Variants in KCNN2 observed in about 807,000 individuals in gnomAD.
KCNN2 encodes potassium calcium-activated channel subfamily N member 2.
Under a neutral mutation model 55.5 loss-of-function variants are expected in KCNN2, and 24 were observed. The observed-to-expected ratio is 0.43, with a 90% CI of 0.31 to 0.61. KCNN2 has a LOEUF of 0.61. Ranked by LOEUF, KCNN2 falls within the 20% of genes least tolerant of loss-of-function variation. KCNN2 has a pLI of 0.08. For missense variants in KCNN2, 754 were observed against 853.6 expected, an observed-to-expected ratio of 0.88 and a Z score of 1.45; for synonymous variants, 431 against 336.1, an observed-to-expected ratio of 1.28 and a Z score of -3.09.
chr5:114,307,274 T>C (rs1756301098), intron 2 of KCNN2, among the ~76,000 whole-genome samples: 1 of 152,212 alleles, frequency 6.6e-6, no homozygotes, highest in Non-Finnish European at 1.5e-5. Context: ...GAATGAGGAA[T>C]CCTGATTTAT....
intron 1 of KCNN2, among the ~76,000 whole-genome samples, chr5:114,086,417 G>A (rs1048305185): frequency 3.3e-5 from 5 of 151,174 alleles, no homozygotes; most frequent in African/African-American, 1.2e-4. Flanking sequence ...TTATTTTTAA[G>A]TCCCTGTCTC....
intron 1 of KCNN2, among the ~76,000 whole-genome samples, chr5:114,156,958 C>T (rs1752647952): frequency 6.6e-6 from 1 of 151,530 alleles, no homozygotes. Flanking sequence ...TGTAGTATAC[C>T]TCTAAGGATT....
chr5:114,311,510 T>C lies in KCNN2; in HGVS notation c.-184-49435T>C, dbSNP rs533831421. On this transcript the variant is annotated intron_variant, in intron 2 of 10. Coordinates refer to the KCNN2 transcript ENST00000512097. ...ATTATAATTCTCCTTTTAAAAAATG[T>C]ATTTTCACTGTTTTTGGCAGGCTCC... Among the ~76,000 whole-genome samples, 116 of 152,280 alleles carry C rather than the reference T, an allele frequency of 7.6e-4. 2 individuals carry two copies. The highest frequency in any genetic ancestry group is 2.6e-3 in the African/African-American group (107 of 41,576).
chr5:114,072,291 T>TG lies in KCNN2; in HGVS notation c.-271+15791_-271+15792insG, dbSNP rs1197236904. 7.7e-3 allele frequency among the ~76,000 whole-genome samples: 1,097 copies of TG among 141,854 alleles called. 18 individuals carry two copies. Among genetic ancestry groups the TG allele is most frequent in the African/African-American group, 0.023 (886 of 38,766 alleles). 93.1% of individuals were successfully genotyped at this position (141,854 alleles called of 152,430 possible). A position where few individuals can be genotyped will look rare whatever the true frequency, so the allele number is the denominator to read the frequency against. ...TGGGCAACAAGAGTAAAACTCCATC[T>TG]AAAAAAAAAAAAAAGTAATGTCGAT... On this transcript the variant is annotated intron_variant, in intron 1 of 10. Coordinates refer to the KCNN2 transcript ENST00000512097.
chr5:114,177,775 C>T (rs1210965620), intron 1 of KCNN2, among the ~76,000 whole-genome samples: 1 of 151,882 alleles, frequency 6.6e-6, no homozygotes, highest in Non-Finnish European at 1.5e-5. Flanking sequence ...CATTGCAATC[C>T]TAGTATTCTG....
At chr5:114,253,690 G>T (rs777726536) in intron 2 of KCNN2, 2 of 152,164 alleles carry the variant, frequency 1.3e-5, no homozygotes, top group East Asian at 3.9e-4. Flanking sequence ...GAGTAGCTGC[G>T]TTCCCCTGCT....
At chr5:114,219,164 T>G (rs550733268) in intron 1 of KCNN2, among the ~76,000 whole-genome samples, 3 of 152,330 alleles carry the variant, frequency 2.0e-5, no homozygotes, top group African/African-American at 7.2e-5. Flanking sequence ...CTGTGACTCT[T>G]GAAGCCCCAG....
At chr5:114,156,795 T>C (rs557134523) in intron 1 of KCNN2, among the ~76,000 whole-genome samples, 2 of 152,186 alleles carry the variant, frequency 1.3e-5, no homozygotes, top group East Asian at 1.9e-4. Context: ...TATTAATATG[T>C]TGTAAGATGA....
intron 2 of KCNN2, among the ~76,000 whole-genome samples, chr5:114,312,510 C>CGGG (rs1756426290): frequency 1.4e-5 from 2 of 140,330 alleles, no homozygotes; most frequent in Non-Finnish European, 3.1e-5. Flanking sequence ...CTTGTACAAA[C>CGGG]CCCCATATGG....
chr5:114,065,090 A>T (rs534764942), intron 1 of KCNN2, among the ~76,000 whole-genome samples: 2 of 152,314 alleles, frequency 1.3e-5, no homozygotes, highest in Admixed American at 6.5e-5. Context: ...GTCACACTAC[A>T]AGTGAGTGGT....
At chr5:114,070,279 C>T (rs1475945742) in intron 1 of KCNN2, among the ~76,000 whole-genome samples, 6 of 152,232 alleles carry the variant, frequency 3.9e-5, no homozygotes, top group African/African-American at 1.4e-4. Context: ...TCAGTCCTAA[C>T]TCCCCAGGAG....
rs576755707 is a variant in KCNN2, at chr5:114,322,571, C to A, written c.-184-38374C>A. Among the ~76,000 whole-genome samples the A allele has an allele frequency of 2.8e-3, 293 of 103,502 alleles. 2 individuals carry two copies. The Middle Eastern group carries it at 0.037, about 13-fold the overall frequency. 67.9% of individuals were successfully genotyped at this position (103,502 alleles called of 152,430 possible). On this transcript the variant is annotated intron_variant, in intron 2 of 10. Transcript: ENST00000512097. ...TACATGTGCACATATGCATACACTC[C>A]CCCATACACACACACACACACACAC...
intron 4 of KCNN2, among the ~76,000 whole-genome samples, chr5:114,470,924 A>G (rs568424861): frequency 6.6e-6 from 1 of 152,308 alleles, no homozygotes; most frequent in South Asian, 2.1e-4. Context: ...CACAGCTCTC[A>G]GCACTAGGAT....
intron 4 of KCNN2, among the ~76,000 whole-genome samples, chr5:114,465,349 A>G (rs1336174566): frequency 1.3e-5 from 2 of 152,150 alleles, no homozygotes; most frequent in African/African-American, 2.4e-5. Context: ...ACTGTGTCCC[A>G]CGCCTGTAAT....
chr5:114,142,382 A>G (rs1752304186), intron 1 of KCNN2, among the ~76,000 whole-genome samples: 1 of 152,170 alleles, frequency 6.6e-6, no homozygotes, highest in African/African-American at 2.4e-5. Context: ...CATTTATTAA[A>G]TAGGGAATCC....
chr5:114,222,368 C>G (rs1168813897), intron 2 of KCNN2, among the ~76,000 whole-genome samples: 1 of 152,078 alleles, frequency 6.6e-6, no homozygotes, highest in Non-Finnish European at 1.5e-5. Flanking sequence ...TTGCCTAGAA[C>G]TACCATACCA....
At chr5:114,215,484 A>C (rs1449925109) in intron 1 of KCNN2, among the ~76,000 whole-genome samples, 1 of 152,146 alleles carries the variant, frequency 6.6e-6, no homozygotes, top group African/African-American at 2.4e-5. Context: ...TAACACTCTA[A>C]GGCAGGAAGG....
chr5:114,077,309 AC>A (rs1179586786), intron 1 of KCNN2, among the ~76,000 whole-genome samples: 1 of 152,240 alleles, frequency 6.6e-6, no homozygotes, highest in African/African-American at 2.4e-5. Flanking sequence ...TAGGGAGCAC[AC>A]TAGGGGGAAC....
intron 2 of KCNN2, among the ~76,000 whole-genome samples, chr5:114,289,304 A>G (rs148575954): frequency 9.2e-4 from 139 of 150,796 alleles, no homozygotes; most frequent in African/African-American, 3.3e-3. Context: ...TTTCAAGATC[A>G]TTTTGGCTGT....
Sources: allele counts gnomAD v4.1 joint callset (sites outside exome capture counted in the v4.1 genomes callset), GRCh38; gene constraint gnomAD v4.1.1; transcripts MANE v1.5; gene names NCBI Gene and HGNC (gene_info 2026-07-23, HGNC 2026-07-21).